The following TENM3 variants were observed in gnomAD, a reference collection of about 807,000 sequenced individuals.
TENM3 encodes teneurin transmembrane protein 3, also known as teneurin-3.
TENM3 carries 63 observed loss-of-function variants against 255.1 expected under a neutral mutation model. The observed-to-expected ratio is 0.25, with a 90% CI of 0.20 to 0.30. The LOEUF is 0.30. TENM3 is among the 10% of genes least tolerant of loss of function. TENM3 has a pLI of 1.00. For synonymous variants in TENM3, 1,306 were observed against 1,322.3 expected, an observed-to-expected ratio of 0.99 and a Z score of 0.27; for missense variants, 2,929 against 3,461.1, an observed-to-expected ratio of 0.85 and a Z score of 3.86.
intron 5 of TENM3, among the ~76,000 whole-genome samples, chr4:182,645,149 A>G (rs1248058241): frequency 6.6e-6 from 1 of 151,596 alleles, no homozygotes; most frequent in African/African-American, 2.4e-5. Flanking sequence ...CCCAGGCTAA[A>G]GTGATATCAT....
chr4:182,335,259 G>A (rs527548737), intron 2 of TENM3, among the ~76,000 whole-genome samples: 1 of 147,326 alleles, frequency 6.8e-6, no homozygotes, highest in African/African-American at 2.5e-5. Context: ...AGCACTTTGG[G>A]AGGCTGAGGC....
chr4:181,893,497 C>CCG, the TENM3 span, among the ~76,000 whole-genome samples: 3 of 103,892 alleles, frequency 2.9e-5, no homozygotes, highest in African/African-American at 1.1e-4. Context: ...GCCCACCCCC[C>CCG]CCCCACCCCC....
chr4:181,522,851 A>G, the TENM3 span: 67 of 970,664 alleles, frequency 6.9e-5, no homozygotes, highest in Non-Finnish European at 9.7e-5. Context: ...TGCAGGCTCT[A>G]AAAGCTGGTG....
the TENM3 span, among the ~76,000 whole-genome samples, chr4:182,006,257 G>A: frequency 6.6e-6 from 1 of 152,016 alleles, no homozygotes; most frequent in Admixed American, 6.6e-5. Context: ...ACTGTTTATT[G>A]ACTCCCTCCT....
At chr4:181,450,201 T>C in the TENM3 span, among the ~76,000 whole-genome samples, 1 of 151,926 alleles carries the variant, frequency 6.6e-6, no homozygotes, top group African/African-American at 2.4e-5. Context: ...GTCTGATGAT[T>C]TCGCCGTAGC....
chr4:182,664,179 C>A (rs904240382), intron 6 of TENM3, among the ~76,000 whole-genome samples: 1 of 152,184 alleles, frequency 6.6e-6, no homozygotes, highest in Non-Finnish European at 1.5e-5. Flanking sequence ...GCAAGTCTAT[C>A]GGCACCATTT....
intron 3 of TENM3, among the ~76,000 whole-genome samples, chr4:182,513,941 C>G (rs1737673594): frequency 6.6e-6 from 1 of 152,204 alleles, no homozygotes; most frequent in Admixed American, 6.5e-5. Context: ...TCTAAACTAC[C>G]AATCCTAATG....
chr4:182,417,155 T>C (rs940595622), intron 3 of TENM3, among the ~76,000 whole-genome samples: 1 of 152,006 alleles, frequency 6.6e-6, no homozygotes, highest in African/African-American at 2.4e-5. Flanking sequence ...TTTTTGTATT[T>C]TTAGTAGAGA....
At chr4:181,657,717 T>G in the TENM3 span, among the ~76,000 whole-genome samples, 1 of 151,958 alleles carries the variant, frequency 6.6e-6, no homozygotes, top group East Asian at 1.9e-4. Flanking sequence ...AGCAAAGACA[T>G]GGAATCAACC....
chr4:181,926,135 A>T, the TENM3 span, among the ~76,000 whole-genome samples: 1 of 152,244 alleles, frequency 6.6e-6, no homozygotes, highest in Non-Finnish European at 1.5e-5. Flanking sequence ...TTTAAAATTC[A>T]GTATCTTTTA....
At chr4:181,730,055 G>A in the TENM3 span, among the ~76,000 whole-genome samples, 1 of 152,178 alleles carries the variant, frequency 6.6e-6, no homozygotes, top group Non-Finnish European at 1.5e-5. Flanking sequence ...AAGCGGGGCA[G>A]GAGAGGTTGG....
chr4:182,669,609 A>G (rs576195811), intron 6 of TENM3, among the ~76,000 whole-genome samples: 1 of 152,326 alleles, frequency 6.6e-6, no homozygotes, highest in South Asian at 2.1e-4. Context: ...TATAAAACTT[A>G]TAAAAATAAG....
chr4:181,840,699 C>T, the TENM3 span, among the ~76,000 whole-genome samples: 3 of 151,938 alleles, frequency 2.0e-5, no homozygotes, highest in African/African-American at 7.3e-5. Flanking sequence ...AATTATTTAC[C>T]CCCTTAGGTG....
At chr4:182,599,727 C>T (rs1747646452) in intron 3 of TENM3, among the ~76,000 whole-genome samples, 1 of 152,132 alleles carries the variant, frequency 6.6e-6, no homozygotes, top group Non-Finnish European at 1.5e-5. Flanking sequence ...GAGTTCACAT[C>T]GTAGATGGAA....
the TENM3 span, among the ~76,000 whole-genome samples, chr4:181,676,832 A>G: frequency 1.3e-5 from 2 of 152,080 alleles, no homozygotes; most frequent in African/African-American, 4.8e-5. Context: ...AACTCTCCCT[A>G]AAGTGACCAA....
At chr4:182,729,337 C>A (rs1025971480) in intron 14 of TENM3, among the ~76,000 whole-genome samples, 156 bp downstream of exon 14, 2 of 152,146 alleles carry the variant, frequency 1.3e-5, no homozygotes, top group African/African-American at 4.8e-5. Flanking sequence ...CTTTGTATTT[C>A]AAGCATTTTT....
chr4:182,412,967 A>G (rs1045980716), intron 3 of TENM3, among the ~76,000 whole-genome samples: 1 of 152,094 alleles, frequency 6.6e-6, no homozygotes, highest in Non-Finnish European at 1.5e-5. Flanking sequence ...CTTGAAATGA[A>G]AAACAATAGA....
At chr4:181,621,511 C>A in the TENM3 span, among the ~76,000 whole-genome samples, 3 of 152,168 alleles carry the variant, frequency 2.0e-5, no homozygotes, top group African/African-American at 7.2e-5. Context: ...TGGCTGGCTA[C>A]CTTAGATCTC....
the TENM3 span, among the ~76,000 whole-genome samples, chr4:181,620,864 CAA>C: frequency 2.0e-5 from 3 of 152,000 alleles, no homozygotes; most frequent in Non-Finnish European, 2.9e-5. Flanking sequence ...ACTGATTTCT[CAA>C]ATAGAATTTT....
Sources: gnomAD v4.1 joint callset for allele counts (sites outside exome capture counted in the v4.1 genomes callset) on GRCh38, gnomAD v4.1.1 for gene constraint, MANE v1.5 for transcripts, NCBI Gene and HGNC (gene_info 2026-07-23, HGNC 2026-07-21) for gene names.